CNTNAP5: variants seen among roughly 807,000 people sequenced by gnomAD.
CNTNAP5 encodes the protein contactin-associated protein-like 5.
A neutral mutation model predicts 150.2 loss-of-function variants in CNTNAP5; 72 were observed. The ratio of observed to expected loss-of-function variants is 0.48; its 90% confidence interval spans 0.40 to 0.58. The LOEUF is 0.58. CNTNAP5 is among the 20% of genes least tolerant of loss of function. The probability of loss-of-function intolerance (pLI) is 0.00; values close to 1 mark genes in which losing one functional copy is unlikely to be tolerated. For synonymous variants in CNTNAP5, 672 were observed against 619.8 expected (o/e 1.08, Z -1.25); for missense variants, 1,636 against 1,626.2 (o/e 1.01, Z -0.10).
chr2:124,875,625 T>C (rs1286196278), intron 21 of CNTNAP5, among the ~76,000 whole-genome samples: 1 of 152,022 alleles, frequency 6.6e-6, no homozygotes, highest in Non-Finnish European at 1.5e-5. Context: ...GTATTTAGCA[T>C]ATACTCAAGA....
intron 22 of CNTNAP5, among the ~76,000 whole-genome samples, chr2:124,906,962 A>T (rs2250071): frequency 1.3e-5 from 2 of 151,906 alleles, no homozygotes; most frequent in African/African-American, 2.4e-5. Flanking sequence ...AAACATTTAA[A>T]GTCCCTAATT....
rs531116806 is a variant in CNTNAP5, at chr2:124,918,434, T to A, written c.*4146T>A. On this transcript the variant is annotated 3_prime_UTR_variant, in exon 24 of 24. Transcript: ENST00000682447. Reference sequence around the variant, plus strand: ...GGTCTCACCTCTGAGCCTGAGTGAGTGTTTCCTGTCTTGAAGGTCATACTT... The same window carrying A: ...GGTCTCACCTCTGAGCCTGAGTGAGAGTTTCCTGTCTTGAAGGTCATACTT... 2.6e-5 allele frequency among the ~76,000 whole-genome samples: 4 copies of A among 152,122 alleles called. No individual in the cohort carries two copies. The South Asian group carries it at 6.2e-4, about 24-fold the overall frequency.
chr2:124,065,175 A>G (rs1573728365), intron 1 of CNTNAP5, among the ~76,000 whole-genome samples: 1 of 152,150 alleles, frequency 6.6e-6, no homozygotes, highest in East Asian at 1.9e-4. Context: ...AAGTACAGAC[A>G]CTGAGGATAA....
intron 1 of CNTNAP5, among the ~76,000 whole-genome samples, chr2:124,199,659 C>A (rs1685671958): frequency 6.6e-6 from 1 of 152,140 alleles, no homozygotes; most frequent in Admixed American, 6.5e-5. Context: ...AGGTGATGCA[C>A]CTGCCTCATC....
intron 19 of CNTNAP5, among the ~76,000 whole-genome samples, chr2:124,802,558 C>A (rs972606944): frequency 6.6e-6 from 1 of 152,138 alleles, no homozygotes; most frequent in African/African-American, 2.4e-5. Context: ...AGGGCTGTGG[C>A]CACAGACAAC....
chr2:124,763,910 A>G (rs1369106253), intron 15 of CNTNAP5, 67 bp from the exon 16 acceptor site: 4 of 1,590,948 alleles, frequency 2.5e-6, no homozygotes, highest in Non-Finnish European at 1.7e-6. Context: ...AATTATCCAC[A>G]TGTCCAGTGC....
intron 17 of CNTNAP5, among the ~76,000 whole-genome samples, chr2:124,783,339 T>C (rs1207833235): frequency 6.6e-6 from 1 of 152,210 alleles, no homozygotes; most frequent in African/African-American, 2.4e-5. Flanking sequence ...TTATAAGTAG[T>C]TCCCCATATA....
intron 3 of CNTNAP5, among the ~76,000 whole-genome samples, chr2:124,386,082 C>G (rs1245465027): frequency 6.6e-6 from 1 of 152,160 alleles, no homozygotes; most frequent in East Asian, 1.9e-4. Flanking sequence ...TAACCTTGTT[C>G]ATTGAGCTGC....
At chr2:124,448,607 C>G (rs1372496080) in intron 6 of CNTNAP5, among the ~76,000 whole-genome samples, 2 of 152,074 alleles carry the variant, frequency 1.3e-5, no homozygotes, top group Admixed American at 6.6e-5. Context: ...ATTGTCTAGA[C>G]CAGGGGTCAG....
chr2:124,832,292 G>C (rs1682732238), intron 19 of CNTNAP5, among the ~76,000 whole-genome samples: 1 of 152,068 alleles, frequency 6.6e-6, no homozygotes, highest in South Asian at 2.1e-4. Context: ...TAATTCATGA[G>C]TGCTCGTTTA....
rs748749599 is a variant in CNTNAP5 at position 124,789,988 on chromosome 2, G to T, written c.2839G>T (p.Ala947Ser). The T allele has an allele frequency of 1.2e-6, 2 of 1,613,924 alleles. No homozygotes were observed. The highest frequency in any genetic ancestry group is 3.3e-5 in the Admixed American group (2 of 60,016). ...ACAGAAAATGGACCTGGAAGAGAGG[G>T]CAAAGGTCACATCTGGAGTCAGGCC... ...NGQKMDLEER[A>S]KVTSGVRPGC... The change falls in exon 18 of 24, where the codon GCA (alanine) becomes TCA (serine). Residue 947 changes from alanine (A) to serine (S), a missense_variant. By Grantham distance (99) the Ala-to-Ser change is moderately conservative. Transcript: ENST00000682447.
intron 7 of CNTNAP5, among the ~76,000 whole-genome samples, chr2:124,479,387 C>G (rs1693715082): frequency 6.6e-6 from 1 of 152,118 alleles, no homozygotes; most frequent in Non-Finnish European, 1.5e-5. Flanking sequence ...AACATGATTC[C>G]CTGGGAGCTG....
chr2:124,161,677 A>G (rs986511695), intron 1 of CNTNAP5, among the ~76,000 whole-genome samples: 2 of 152,202 alleles, frequency 1.3e-5, no homozygotes, highest in South Asian at 2.1e-4. Context: ...TTGAAAGATG[A>G]TAATCTCTGT....
intron 1 of CNTNAP5, among the ~76,000 whole-genome samples, chr2:124,036,599 A>G (rs961571544): frequency 2.0e-5 from 3 of 152,066 alleles, no homozygotes; most frequent in Non-Finnish European, 2.9e-5. Flanking sequence ...GAACCCTTTG[A>G]CACAATCCAA....
intron 1 of CNTNAP5, among the ~76,000 whole-genome samples, chr2:124,048,222 G>A (rs1273130206): frequency 1.3e-5 from 2 of 152,066 alleles, no homozygotes; most frequent in Admixed American, 6.6e-5. Flanking sequence ...GTGTCATGGG[G>A]GAATGCTTTC....
intron 7 of CNTNAP5, among the ~76,000 whole-genome samples, chr2:124,478,841 C>T (rs765024258): frequency 7.2e-5 from 11 of 152,128 alleles, no homozygotes; most frequent in African/African-American, 1.4e-4. Context: ...AGCAAGAGTA[C>T]GGTACTACTC....
chr2:124,047,828 T>C (rs768611276), intron 1 of CNTNAP5, among the ~76,000 whole-genome samples: 13 of 152,184 alleles, frequency 8.5e-5, no homozygotes, highest in Non-Finnish European at 1.6e-4. Flanking sequence ...CAGTGTTCAA[T>C]AGTGGTAAAG....
chr2:124,654,697 C>T (rs934153145), intron 13 of CNTNAP5, among the ~76,000 whole-genome samples: 3 of 152,106 alleles, frequency 2.0e-5, no homozygotes, highest in Admixed American at 1.3e-4. Context: ...ACCACCTCTG[C>T]TCCCATATTT....
At chr2:124,093,784 G>T (rs1005157445) in intron 1 of CNTNAP5, among the ~76,000 whole-genome samples, 1 of 152,180 alleles carries the variant, frequency 6.6e-6, no homozygotes, top group Non-Finnish European at 1.5e-5. Flanking sequence ...CATTGCATTT[G>T]CATGTCAGCT....
Sources: allele counts gnomAD v4.1 joint callset (sites outside exome capture counted in the v4.1 genomes callset), GRCh38; gene constraint gnomAD v4.1.1; transcripts MANE v1.5; gene names NCBI Gene and HGNC (gene_info 2026-07-23, HGNC 2026-07-21).